Variants in COL19A1 observed in about 807,000 individuals in gnomAD.
COL19A1 encodes collagen alpha-1(XIX) chain.
A neutral mutation model predicts 190.2 loss-of-function variants in COL19A1; 159 were observed. The ratio of observed to expected loss-of-function variants is 0.84; its 90% confidence interval spans 0.73 to 0.95. The LOEUF is 0.95. Among genes scored for constraint, COL19A1 ranks in the 40% least tolerant of loss-of-function variants. The pLI is 0.00. For synonymous variants in COL19A1, 509 were observed against 458.9 expected, an observed-to-expected ratio of 1.11 and a Z score of -1.39; for missense variants, 1,418 against 1,431.9, an observed-to-expected ratio of 0.99 and a Z score of 0.16.
At chr6:69,979,357 T>C (rs1775906990) in intron 11 of COL19A1, among the ~76,000 whole-genome samples, 1 of 151,880 alleles carries the variant, frequency 6.6e-6, no homozygotes, top group Non-Finnish European at 1.5e-5. Flanking sequence ...TCAAGGTGGA[T>C]TCATGTTAAG....
At chr6:70,142,286 T>C (rs922607095) in intron 22 of COL19A1, among the ~76,000 whole-genome samples, 2 of 152,170 alleles carry the variant, frequency 1.3e-5, no homozygotes, top group African/African-American at 4.8e-5. Context: ...TTCTATACTC[T>C]TTTTCAGAGC....
At chr6:69,995,083 A>G (rs967477939) in intron 11 of COL19A1, among the ~76,000 whole-genome samples, 11 of 152,202 alleles carry the variant, frequency 7.2e-5, no homozygotes, top group Admixed American at 6.6e-4. Context: ...AGCTAATCTG[A>G]AAATAACTTG....
chr6:69,909,396 G>A (rs908832802), intron 4 of COL19A1, among the ~76,000 whole-genome samples: 1 of 151,970 alleles, frequency 6.6e-6, no homozygotes, highest in African/African-American at 2.4e-5. Flanking sequence ...ATAATTATAA[G>A]CATACAGTTA....
At chr6:70,082,571 C>A (rs888156577) in intron 15 of COL19A1, among the ~76,000 whole-genome samples, 2 of 152,090 alleles carry the variant, frequency 1.3e-5, no homozygotes, top group Non-Finnish European at 2.9e-5. Flanking sequence ...TGCCACCACA[C>A]CTGGCTAATT....
intron 2 of COL19A1, among the ~76,000 whole-genome samples, chr6:69,885,728 A>T (rs75161048): frequency 6.6e-6 from 1 of 151,716 alleles, no homozygotes; most frequent in East Asian, 1.9e-4. Flanking sequence ...ATCACACAAT[A>T]TTTTTTTTCC....
intron 4 of COL19A1, among the ~76,000 whole-genome samples, chr6:69,924,343 A>G (rs1772208946): frequency 6.6e-6 from 1 of 152,000 alleles, no homozygotes; most frequent in African/African-American, 2.4e-5. Flanking sequence ...ATGAGTGAGA[A>G]TATGCAGTGT....
intron 1 of COL19A1, among the ~76,000 whole-genome samples, chr6:69,874,406 AT>A: frequency 2.0e-5 from 3 of 152,350 alleles, no homozygotes; most frequent in Admixed American, 2.0e-4. Flanking sequence ...CTACACTTCC[AT>A]TTTATCAGGA....
intron 14 of COL19A1, among the ~76,000 whole-genome samples, chr6:70,043,572 T>A (rs983180176): frequency 2.0e-5 from 3 of 152,214 alleles, no homozygotes; most frequent in Admixed American, 6.5e-5. Context: ...GATATTGTGT[T>A]AGCAGGCATG....
At chr6:69,957,221 C>G (rs978597185) in intron 9 of COL19A1, among the ~76,000 whole-genome samples, 13 of 152,032 alleles carry the variant, frequency 8.6e-5, no homozygotes, top group African/African-American at 3.1e-4. Flanking sequence ...ACCAGCTATG[C>G]TTACTGTTGA....
At chr6:70,102,472 G>A (rs1275681075) in intron 16 of COL19A1, among the ~76,000 whole-genome samples, 2 of 152,076 alleles carry the variant, frequency 1.3e-5, no homozygotes, top group South Asian at 4.1e-4. Flanking sequence ...TACACAAATG[G>A]CAATAACAGT....
intron 47 of COL19A1, among the ~76,000 whole-genome samples, chr6:70,188,781 T>A (rs551676720): frequency 2.2e-4 from 34 of 152,318 alleles, no homozygotes; most frequent in African/African-American, 7.7e-4. Context: ...TCTTTATTAA[T>A]CCTCAAGAGG....
rs138181755 is a variant in COL19A1 at position 69,965,984 on chromosome 6, G to T, written c.1026+3114G>T. On this transcript the variant is annotated intron_variant, in intron 11 of 50. Coordinates refer to ENST00000620364, the MANE Select transcript of COL19A1 (RefSeq NM_001858.6). ...ATTCCTTCAGTACTATTATTATAGT[G>T]CAGGCTGCTACTACAAACAAAATAC... 4.6e-3 allele frequency among the ~76,000 whole-genome samples: 694 copies of T among 152,272 alleles called. 7 individuals carry two copies. Among genetic ancestry groups the T allele is most frequent in the African/African-American group, 0.016 (663 of 41,548 alleles).
intron 1 of COL19A1, among the ~76,000 whole-genome samples, chr6:69,878,209 CTTTTA>C (rs1443149393): frequency 6.6e-6 from 1 of 150,394 alleles, no homozygotes; most frequent in Non-Finnish European, 1.5e-5. Flanking sequence ...ATATTTATTT[CTTTTA>C]TTTATTTATT....
chr6:69,964,447 T>TAGGA (rs1462319990), intron 11 of COL19A1, among the ~76,000 whole-genome samples: 1 of 152,214 alleles, frequency 6.6e-6, no homozygotes, highest in Non-Finnish European at 1.5e-5. Flanking sequence ...ATTTTACCTG[T>TAGGA]AGGAATAAGT....
rs1768124546 is a variant in COL19A1 at position 70,210,511 on chromosome 6, A to C, written c.*3237A>C. Among the ~76,000 whole-genome samples, 1 of 152,326 alleles carries C rather than the reference A, an allele frequency of 6.6e-6. No homozygotes were observed. The highest frequency in any genetic ancestry group is 1.5e-5 in the Non-Finnish European group (1 of 68,008). On this transcript the variant is annotated 3_prime_UTR_variant, in exon 51 of 51. Coordinates refer to ENST00000620364, the MANE Select transcript of COL19A1 (RefSeq NM_001858.6). ...CTTTAAAATTTTAGTCACTTAAAGA[A>C]CTTAAGCAATTATATTAAAATACGT...
At chr6:69,892,040 G>A (rs1769386992) in intron 2 of COL19A1, among the ~76,000 whole-genome samples, 1 of 152,212 alleles carries the variant, frequency 6.6e-6, no homozygotes, top group South Asian at 2.1e-4. Flanking sequence ...TCCAACAAGG[G>A]AGGGGAAAGG....
intron 9 of COL19A1, among the ~76,000 whole-genome samples, chr6:69,943,170 T>C (rs1215199065): frequency 6.6e-6 from 1 of 152,110 alleles, no homozygotes; most frequent in Non-Finnish European, 1.5e-5. Flanking sequence ...TTTTGATGTA[T>C]TTCTTGGCCA....
At chr6:69,905,559 A>C (rs763628677) in intron 4 of COL19A1, among the ~76,000 whole-genome samples, 1 of 152,204 alleles carries the variant, frequency 6.6e-6, no homozygotes, top group East Asian at 1.9e-4. Flanking sequence ...CAGCAGGGCA[A>C]TTATACCTTT....
chr6:70,085,525 A>T (rs2150169078), intron 15 of COL19A1, among the ~76,000 whole-genome samples: 1 of 152,266 alleles, frequency 6.6e-6, no homozygotes, highest in African/African-American at 2.4e-5. Flanking sequence ...ACAGTTTTGA[A>T]TTTTTTTCTC....
Sources: allele counts gnomAD v4.1 joint callset (sites outside exome capture counted in the v4.1 genomes callset), GRCh38; gene constraint gnomAD v4.1.1; transcripts MANE v1.5; gene names NCBI Gene and HGNC (gene_info 2026-07-23, HGNC 2026-07-21).